The following CHST3 variants were observed in gnomAD, a reference collection of about 807,000 sequenced individuals.
CHST3 encodes the protein C6ST-1.
In CHST3, 20 loss-of-function variants were observed where a neutral mutation model predicts 35.4. The observed-to-expected ratio is 0.57, with a 90% CI of 0.40 to 0.82. The LOEUF (loss-of-function observed/expected upper bound fraction) is 0.82. CHST3 is among the 40% of genes least tolerant of loss of function. CHST3 has a pLI of 0.00. For synonymous variants in CHST3, 334 were observed against 295.9 expected, an observed-to-expected ratio of 1.13 and a Z score of -1.32; for missense variants, 693 against 670.1, an observed-to-expected ratio of 1.03 and a Z score of -0.38.
intron 1 of CHST3, among the ~76,000 whole-genome samples, chr10:72,004,597 ACTCCACCTTCTCT>A (rs981460266): frequency 1.3e-5 from 2 of 151,976 alleles, no homozygotes; most frequent in African/African-American, 4.8e-5. Flanking sequence ...CATAAGCCTC[ACTCCACCTTCTCT>A]CTCCACCTAC....
chr10:72,008,526 C>G lies in CHST3; in HGVS notation c.*55C>G. 6.9e-7 allele frequency: 1 copy of G among 1,456,720 alleles called. No individual in the cohort carries two copies. The highest frequency in any genetic ancestry group is 2.5e-5 in the East Asian group (1 of 40,116). 90.2% of individuals were successfully genotyped at this position (1,456,720 alleles called of 1,614,324 possible). On this transcript the variant is annotated 3_prime_UTR_variant, in exon 3 of 3. Transcript: ENST00000373115. The stretch of plus-strand genomic sequence containing the variant: ...GTGAAAGGCCTGCCCCGTCTTTCTG[C>G]CGCAGCCCTCGCAGAGGGCGGGTGC...
intron 1 of CHST3, among the ~76,000 whole-genome samples, chr10:71,994,631 C>A (rs1839924191): frequency 6.6e-6 from 1 of 152,184 alleles, no homozygotes; most frequent in Non-Finnish European, 1.5e-5. Flanking sequence ...GCTACCTTAG[C>A]CCCTAACAAG....
chr10:71,997,982 G>C lies in CHST3; in HGVS notation c.-107-7754G>C, dbSNP rs111901718. ...CGCCCAGTCTCCATAAATGATTTAA[G>C]AAAAAATGTAGCCAGGCGTAGTGGC... On this transcript the variant is annotated intron_variant, in intron 1 of 2. Coordinates refer to ENST00000373115, the MANE Select transcript of CHST3 (RefSeq NM_004273.5). 4.0e-3 allele frequency among the ~76,000 whole-genome samples: 604 copies of C among 152,176 alleles called. 2 individuals carry two copies. The highest frequency in any genetic ancestry group is 0.014 in the African/African-American group (576 of 41,528).
intron 1 of CHST3, among the ~76,000 whole-genome samples, chr10:71,995,167 G>A (rs1351456447): frequency 6.6e-6 from 1 of 152,154 alleles, no homozygotes; most frequent in Non-Finnish European, 1.5e-5. Flanking sequence ...ACTCACGCCT[G>A]TAATCCCAGC....
At chr10:71,979,586 G>A (rs1235218219) in intron 1 of CHST3, among the ~76,000 whole-genome samples, 1 of 152,052 alleles carries the variant, frequency 6.6e-6, no homozygotes, top group South Asian at 2.1e-4. Context: ...TAGGCTCATG[G>A]TTGCCACCCT....
chr10:71,966,864 TTG>T (rs1345482152), intron 1 of CHST3, among the ~76,000 whole-genome samples: 1 of 152,172 alleles, frequency 6.6e-6, no homozygotes, highest in African/African-American at 2.4e-5. Context: ...AAGCCAGTGT[TTG>T]TGTATTTGGT....
At position 71,977,182 on chromosome 10, in the gene CHST3, G is replaced by T. The variant is rs142825050; in HGVS notation, c.-108+12488G>T. 3.0e-4 allele frequency among the ~76,000 whole-genome samples: 45 copies of T among 152,322 alleles called. No homozygotes were observed. The East Asian group carries it at 7.7e-3, about 26-fold the overall frequency. On this transcript the variant is annotated intron_variant, in intron 1 of 2. Transcript: ENST00000373115. ...CTGTCCCTTCCCAAAAAGTGTTGCTGCCCACAGTCCCAGCCCCCAGACCTG... is the reference window on the plus strand; with the variant it reads ...CTGTCCCTTCCCAAAAAGTGTTGCTTCCCACAGTCCCAGCCCCCAGACCTG...
intron 1 of CHST3, among the ~76,000 whole-genome samples, chr10:71,974,283 A>C (rs1407394905): frequency 2.0e-5 from 3 of 152,212 alleles, no homozygotes; most frequent in African/African-American, 7.2e-5. Context: ...CATTCTCACC[A>C]AGCCCCCTAC....
Position 72,008,169 on chromosome 10 carries a change from C to T in CHST3, c.1138C>T (p.Gln380Ter), listed in dbSNP as rs1256221665. The T allele has an allele frequency of 6.5e-7, 1 of 1,548,920 alleles. No individual in the cohort carries two copies. The highest frequency in any genetic ancestry group is 8.7e-7 in the Non-Finnish European group (1 of 1,146,556). ...CGAGGACGTGGCACGCGGGCCGCTG[C>T]AGAAGGCCCGCGAGATGTACCGCTT... ...RYEDVARGPL[Q>*]KAREMYRFAG... The change falls in exon 3 of 3, where the codon CAG (glutamine) becomes TAG (stop). Residue 380 changes from glutamine to a stop codon, truncating the protein, a stop_gained. Coordinates refer to ENST00000373115, the MANE Select transcript of CHST3 (RefSeq NM_004273.5). LOFTEE classifies it high-confidence loss of function.
At position 72,008,552 on chromosome 10, in the gene CHST3, A is replaced by ACAGCGCCATGAGCGGG. The variant is rs1375655296; in HGVS notation, c.*89_*104dup. 4.1e-6 allele frequency: 6 copies of ACAGCGCCATGAGCGGG among 1,446,234 alleles called. No homozygotes were observed. Among genetic ancestry groups the ACAGCGCCATGAGCGGG allele is most frequent in the Non-Finnish European group, 5.4e-6 (6 of 1,101,682 alleles). 89.6% of individuals were successfully genotyped at this position (1,446,234 alleles called of 1,614,324 possible). A position where few individuals can be genotyped will look rare whatever the true frequency, so the allele number is the denominator to read the frequency against. The stretch of plus-strand genomic sequence containing the variant: ...CGCAGCCCTCGCAGAGGGCGGGTGC[A>ACAGCGCCATGAGCGGG]CAGCGCCATGAGCGGGCAGCGCCTC... On this transcript the variant is annotated 3_prime_UTR_variant, in exon 3 of 3. Coordinates refer to ENST00000373115, the MANE Select transcript of CHST3 (RefSeq NM_004273.5).
At chr10:71,989,410 G>A (rs1029444408) in intron 1 of CHST3, among the ~76,000 whole-genome samples, 6 of 151,948 alleles carry the variant, frequency 3.9e-5, no homozygotes, top group Non-Finnish European at 7.4e-5. Flanking sequence ...TCACACCACC[G>A]TATTCCAGCC....
intron 1 of CHST3, among the ~76,000 whole-genome samples, chr10:72,005,301 CTGTG>C (rs71018245): frequency 1.0e-4 from 14 of 140,174 alleles, no homozygotes; most frequent in Admixed American, 3.4e-4. Flanking sequence ...GTGTGTGTGT[CTGTG>C]TGTGTGTGTG....
In CHST3 at chr10:72,010,822, G is replaced by A. The variant is rs1840102586; in HGVS notation, c.*2351G>A. ...TCTGTTCCCCATGTGGAGGTCGGAG[G>A]GGCTGGGACTGGGGAGGGGGCAGCC... On this transcript the variant is annotated 3_prime_UTR_variant, in exon 3 of 3. Coordinates refer to ENST00000373115, the MANE Select transcript of CHST3 (RefSeq NM_004273.5). 6.6e-6 allele frequency: 1 copy of A among 152,052 alleles called. No individual in the cohort carries two copies. Among genetic ancestry groups the A allele is most frequent in the Non-Finnish European group, 1.5e-5 (1 of 68,078 alleles). 9.4% of individuals were successfully genotyped at this position (152,052 alleles called of 1,614,324 possible). A position where few individuals can be genotyped will look rare whatever the true frequency, so the allele number is the denominator to read the frequency against.
At chr10:71,984,061 C>T (rs963405779) in intron 1 of CHST3, among the ~76,000 whole-genome samples, 1 of 152,180 alleles carries the variant, frequency 6.6e-6, no homozygotes, top group Admixed American at 6.5e-5. Flanking sequence ...CTCACTCTGT[C>T]ACCCAGGCTG....
chr10:71,972,024 C>T (rs1839700353), intron 1 of CHST3, among the ~76,000 whole-genome samples: 1 of 151,812 alleles, frequency 6.6e-6, no homozygotes, highest in Non-Finnish European at 1.5e-5. Context: ...GGGTAGCGTG[C>T]CCAGGAAACA....
chr10:71,990,895 G>C (rs1183284518), intron 1 of CHST3, among the ~76,000 whole-genome samples: 1 of 152,226 alleles, frequency 6.6e-6, no homozygotes, highest in Admixed American at 6.5e-5. Flanking sequence ...TATTAGGACG[G>C]GACGGGCTAT....
At position 72,012,610 on chromosome 10, in the gene CHST3, C is replaced by T. The variant is rs1840123204; in HGVS notation, c.*4139C>T. 1.3e-5 allele frequency: 2 copies of T among 152,742 alleles called. No homozygotes were observed. Among genetic ancestry groups the T allele is most frequent in the African/African-American group, 4.8e-5 (2 of 41,462 alleles). The allele number at this position is 152,742 out of a possible 1,614,324, so 9.5% of individuals were successfully genotyped here. On this transcript the variant is annotated 3_prime_UTR_variant, in exon 3 of 3. Coordinates refer to ENST00000373115, the MANE Select transcript of CHST3 (RefSeq NM_004273.5). ...AGATCTCAAGGGCTGATACCTGAGG[C>T]AAGGAGAGCTAAGGGGAGAGAAATT...
intron 1 of CHST3, among the ~76,000 whole-genome samples, 191 bp downstream of exon 1, chr10:71,964,885 G>C (rs1014704705): frequency 6.6e-6 from 1 of 152,208 alleles, no homozygotes; most frequent in African/African-American, 2.4e-5. Flanking sequence ...CGCTGCAACC[G>C]GATCACACCT....
At chr10:71,970,075 G>A (rs184191836) in intron 1 of CHST3, among the ~76,000 whole-genome samples, 8 of 152,344 alleles carry the variant, frequency 5.3e-5, no homozygotes, top group African/African-American at 1.7e-4. Context: ...TGGCAGGCCT[G>A]GACGGTTTGT....
Sources: gnomAD v4.1 joint callset for allele counts (sites outside exome capture counted in the v4.1 genomes callset) on GRCh38, gnomAD v4.1.1 for gene constraint, MANE v1.5 for transcripts, NCBI Gene and HGNC (gene_info 2026-07-23, HGNC 2026-07-21) for gene names.